CHN1: variants seen among roughly 807,000 people sequenced by gnomAD.
CHN1 encodes chimerin 1.
CHN1 carries 37 observed loss-of-function variants against 59.5 expected under a neutral mutation model. That is an observed-to-expected ratio of 0.62 (90% CI 0.48 to 0.82). The LOEUF is 0.82. CHN1 is among the 40% of genes least tolerant of loss of function. The probability of loss-of-function intolerance (pLI) is 0.00; values close to 1 mark genes in which losing one functional copy is unlikely to be tolerated. For synonymous variants in CHN1, 206 were observed against 200.4 expected (o/e 1.03, Z -0.24); for missense variants, 469 against 571.0 (o/e 0.82, Z 1.82).
At chr2:174,939,426 T>C (rs116367748) in intron 3 of CHN1, among the ~76,000 whole-genome samples, 11 of 152,300 alleles carry the variant, frequency 7.2e-5, no homozygotes, top group South Asian at 4.1e-4. Context: ...CACAACTACA[T>C]TGAGCCTCAA....
chr2:174,808,156 T>G (rs1469660664), intron 11 of CHN1, among the ~76,000 whole-genome samples: 1 of 152,262 alleles, frequency 6.6e-6, no homozygotes, highest in Non-Finnish European at 1.5e-5. Flanking sequence ...AGTGCCAGTT[T>G]GCTGTTAATA....
chr2:174,884,253 G>GGGATT (rs1347745831), intron 5 of CHN1, among the ~76,000 whole-genome samples: 1 of 151,990 alleles, frequency 6.6e-6, no homozygotes, highest in African/African-American at 2.4e-5. Flanking sequence ...TTACAGGCGT[G>GGGATT]AGCCACCGAG....
At chr2:174,835,904 A>T (rs1686059896) in intron 7 of CHN1, among the ~76,000 whole-genome samples, 1 of 152,082 alleles carries the variant, frequency 6.6e-6, no homozygotes, top group Non-Finnish European at 1.5e-5. Context: ...AGTGAGTTTC[A>T]GCCATTGTTT....
intron 5 of CHN1, among the ~76,000 whole-genome samples, chr2:174,885,417 C>T (rs1247076971): frequency 6.6e-6 from 1 of 151,970 alleles, no homozygotes; most frequent in African/African-American, 2.4e-5. Flanking sequence ...ATTTACAGAG[C>T]CATAATGGTC....
intron 6 of CHN1, among the ~76,000 whole-genome samples, chr2:174,848,285 C>T (rs1241123817): frequency 6.6e-6 from 1 of 152,126 alleles, no homozygotes; most frequent in Non-Finnish European, 1.5e-5. Context: ...TCCTTATTTG[C>T]ACAGATCTCA....
intron 1 of CHN1, among the ~76,000 whole-genome samples, chr2:174,989,194 G>A (rs915831876): frequency 4.0e-5 from 6 of 151,384 alleles, no homozygotes; most frequent in Non-Finnish European, 8.9e-5. Context: ...TGGCCAACAT[G>A]GTGAAACCCC....
chr2:174,897,125 A>G (rs898155400), intron 5 of CHN1, among the ~76,000 whole-genome samples: 1 of 152,186 alleles, frequency 6.6e-6, no homozygotes, highest in South Asian at 2.1e-4. Flanking sequence ...AATGCTGGAT[A>G]ACCATTTGCA....
chr2:174,847,560 A>G, intron 6 of CHN1: 3 of 1,262,976 alleles, frequency 2.4e-6, no homozygotes, highest in Non-Finnish European at 3.1e-6. Flanking sequence ...GCCTGCAATC[A>G]GTTTCTAGCA....
intron 1 of CHN1, among the ~76,000 whole-genome samples, chr2:174,978,114 A>G (rs1691011891): frequency 6.6e-6 from 1 of 152,246 alleles, no homozygotes; most frequent in Non-Finnish European, 1.5e-5. Flanking sequence ...TAAACATATC[A>G]TCAAGTATTT....
At chr2:174,915,033 T>C (rs985221923) in intron 5 of CHN1, 25 bp downstream of exon 5, 2 of 1,387,704 alleles carry the variant, frequency 1.4e-6, no homozygotes, top group South Asian at 1.2e-5. Context: ...TAAAGCACAG[T>C]AGTAATTGCA....
chr2:174,894,417 TGA>T (rs376039752), intron 5 of CHN1, among the ~76,000 whole-genome samples: 12 of 151,898 alleles, frequency 7.9e-5, no homozygotes, highest in African/African-American at 2.9e-4. Flanking sequence ...AAAACCATAA[TGA>T]GATATCACTC....
intron 8 of CHN1, chr2:174,821,684 C>T (rs936447036): frequency 2.2e-5 from 10 of 446,880 alleles, no homozygotes; most frequent in African/African-American, 4.1e-5. Flanking sequence ...CTCTGGAGGA[C>T]ATAGCTTTCC....
intron 5 of CHN1, among the ~76,000 whole-genome samples, chr2:174,901,344 CA>C (rs1012117624): frequency 3.3e-5 from 5 of 152,332 alleles, no homozygotes; most frequent in Admixed American, 2.0e-4. Context: ...TTTGCCCTCT[CA>C]CTCACTCTCT....
intron 7 of CHN1, among the ~76,000 whole-genome samples, chr2:174,840,655 C>T (rs1291219419): frequency 5.3e-5 from 8 of 152,128 alleles, no homozygotes; most frequent in African/African-American, 9.7e-5. Context: ...AAGGAGGAAA[C>T]GGAGCTAGGA....
chr2:174,879,290 T>C lies in CHN1; in HGVS notation c.261-1162A>G, dbSNP rs1380106747. Among the ~76,000 whole-genome samples the C allele has an allele frequency of 3.3e-5, 5 of 152,216 alleles. No individual in the cohort carries two copies. In the East Asian group the frequency reaches 5.8e-4, roughly 18 times the overall value. Reference sequence around the variant, plus strand: ...AACATCTTAATGTGGAAATAAAGTATGGAAAGGAAATAAAATATTTTTTAA... The same window carrying C: ...AACATCTTAATGTGGAAATAAAGTACGGAAAGGAAATAAAATATTTTTTAA... On this transcript the variant is annotated intron_variant, in intron 5 of 12. Transcript: ENST00000409900.
intron 11 of CHN1, among the ~76,000 whole-genome samples, chr2:174,806,991 T>C (rs1574036902): frequency 6.6e-6 from 1 of 152,244 alleles, no homozygotes; most frequent in Non-Finnish European, 1.5e-5. Flanking sequence ...GAGAAATTTC[T>C]ACCTTGATTT....
At chr2:174,848,369 G>T (rs999651535) in intron 6 of CHN1, among the ~76,000 whole-genome samples, 1 of 149,442 alleles carries the variant, frequency 6.7e-6, no homozygotes, top group Non-Finnish European at 1.5e-5. Context: ...CTAGGTGAGA[G>T]ACTTAGCACA....
At chr2:174,986,806 G>C (rs950048188) in intron 1 of CHN1, among the ~76,000 whole-genome samples, 3 of 152,198 alleles carry the variant, frequency 2.0e-5, no homozygotes, top group Admixed American at 1.3e-4. Flanking sequence ...GCGCGATCTG[G>C]GCTCAGTGCA....
chr2:174,933,714 T>C (rs998904656), intron 3 of CHN1, among the ~76,000 whole-genome samples: 1 of 152,198 alleles, frequency 6.6e-6, no homozygotes, highest in Non-Finnish European at 1.5e-5. Flanking sequence ...ATTTGTGGGC[T>C]GACGAAAATG....
Sources: allele counts gnomAD v4.1 joint callset (sites outside exome capture counted in the v4.1 genomes callset), GRCh38; gene constraint gnomAD v4.1.1; transcripts MANE v1.5; gene names NCBI Gene and HGNC (gene_info 2026-07-23, HGNC 2026-07-21).